DACH2: variants seen among roughly 807,000 people sequenced by gnomAD.
DACH2 encodes dachshund homolog 2.
A neutral mutation model predicts 35.8 loss-of-function variants in DACH2; 17 were observed. The ratio of observed to expected loss-of-function variants is 0.48; its 90% CI spans 0.33 to 0.71. DACH2 has a LOEUF of 0.71. Among genes scored for constraint, DACH2 ranks in the 30% least tolerant of loss-of-function variants. The pLI, the probability that DACH2 is intolerant of heterozygous loss-of-function variation, is 0.02. For synonymous variants in DACH2, 195 were observed against 177.3 expected, an observed-to-expected ratio of 1.10 and a Z score of -0.79; for missense variants, 469 against 472.7, an observed-to-expected ratio of 0.99 and a Z score of 0.07.
At chrX:86,283,418 C>T (rs976466233) in intron 1 of DACH2, among the ~76,000 whole-genome samples, 6 of 111,156 alleles carry the variant, frequency 5.4e-5, no homozygotes, top group African/African-American at 2.0e-4. Context: ...CACATAAAGA[C>T]AAATGCACAT....
chrX:86,186,265 A>G (rs1446288578), intron 1 of DACH2, among the ~76,000 whole-genome samples: 1 of 112,870 alleles, frequency 8.9e-6, no homozygotes, highest in Non-Finnish European at 1.9e-5. Flanking sequence ...CATCTTGAAC[A>G]TGGGTATAAA....
chrX:86,503,733 T>C (rs1212085626), intron 2 of DACH2, among the ~76,000 whole-genome samples: 1 of 112,075 alleles, frequency 8.9e-6, no homozygotes, highest in Non-Finnish European at 1.9e-5. Flanking sequence ...ACAAAAGATA[T>C]GTTATAAGTA....
chrX:86,562,886 A>T (rs1002427356), intron 3 of DACH2, among the ~76,000 whole-genome samples: 1 of 111,874 alleles, frequency 8.9e-6, no homozygotes, highest in African/African-American at 3.2e-5. Context: ...TCAAAATCCA[A>T]CATTTACTTG....
chrX:86,259,548 A>G (rs1215996683), intron 1 of DACH2, among the ~76,000 whole-genome samples: 3 of 111,639 alleles, frequency 2.7e-5, no homozygotes, highest in Admixed American at 9.6e-5. Context: ...TGGAAACACA[A>G]TGATTCATTA....
At chrX:86,556,331 C>T (rs2039117921) in intron 3 of DACH2, among the ~76,000 whole-genome samples, 2 of 110,620 alleles carry the variant, frequency 1.8e-5, no homozygotes, top group Middle Eastern at 4.6e-3. Flanking sequence ...TCATTTAACT[C>T]CCGTAAGAAC....
At chrX:86,279,057 A>G (rs886164441) in intron 1 of DACH2, among the ~76,000 whole-genome samples, 9 of 112,093 alleles carry the variant, frequency 8.0e-5, no homozygotes, top group African/African-American at 2.9e-4. Flanking sequence ...GGGCTTATAG[A>G]TAAAACTCCC....
chrX:86,713,297 ATG>A (rs2041299114), intron 5 of DACH2, among the ~76,000 whole-genome samples: 1 of 111,403 alleles, frequency 9.0e-6, no homozygotes, highest in Non-Finnish European at 1.9e-5. Context: ...CTAAAAATAT[ATG>A]TGTTTTGAGT....
intron 1 of DACH2, among the ~76,000 whole-genome samples, chrX:86,293,226 G>A (rs142063100): frequency 0.1 from 10,226 of 99,545 alleles, 590 homozygotes; most frequent in South Asian, 0.29. Context: ...AAAGTCTGTT[G>A]TATCAGAGAC....
At chrX:86,803,865 G>A (rs1261387188) in intron 7 of DACH2, among the ~76,000 whole-genome samples, 2 of 111,438 alleles carry the variant, frequency 1.8e-5, no homozygotes, top group African/African-American at 6.5e-5. Flanking sequence ...GCAGGTTGCA[G>A]TGTTAAATGG....
intron 7 of DACH2, among the ~76,000 whole-genome samples, chrX:86,801,279 G>C (rs1249090927): frequency 2.7e-5 from 3 of 109,302 alleles, no homozygotes. Flanking sequence ...GAGTGCAGTG[G>C]CTATTCGTAG....
intron 3 of DACH2, among the ~76,000 whole-genome samples, chrX:86,550,250 G>A (rs73504062): frequency 0.039 from 4,304 of 110,915 alleles, 224 homozygotes; most frequent in African/African-American, 0.13. Context: ...AGAATAGAGA[G>A]GATAATTTTG....
At chrX:86,741,045 A>G (rs1052670029) in intron 7 of DACH2, among the ~76,000 whole-genome samples, 1 of 111,563 alleles carries the variant, frequency 9.0e-6, no homozygotes, top group African/African-American at 3.3e-5. Flanking sequence ...CTATGTACCC[A>G]TTTCCTTTCA....
At chrX:86,429,382 G>A (rs977538588) in intron 2 of DACH2, among the ~76,000 whole-genome samples, 1 of 110,976 alleles carries the variant, frequency 9.0e-6, no homozygotes, top group African/African-American at 3.3e-5. Context: ...ATCTGATTTT[G>A]ATATGGGAAA....
At chrX:86,361,304 C>T (rs775335104) in intron 1 of DACH2, among the ~76,000 whole-genome samples, 28 of 111,140 alleles carry the variant, frequency 2.5e-4, no homozygotes, top group African/African-American at 7.5e-4. Context: ...TATCTGAAGA[C>T]GATGGTTATT....
intron 7 of DACH2, among the ~76,000 whole-genome samples, chrX:86,763,457 T>G (rs778360846): frequency 4.5e-5 from 5 of 112,334 alleles, no homozygotes; most frequent in South Asian, 7.4e-4. Context: ...GTTTACTTTT[T>G]TTTTGTTTTG....
At chrX:86,383,950 T>C (rs991828359) in intron 2 of DACH2, among the ~76,000 whole-genome samples, 1 of 111,384 alleles carries the variant, frequency 9.0e-6, no homozygotes, top group African/African-American at 3.2e-5. Flanking sequence ...TCAGGCTGTG[T>C]GTTTCTTTAA....
intron 1 of DACH2, among the ~76,000 whole-genome samples, chrX:86,258,447 G>T: frequency 9.0e-6 from 1 of 111,483 alleles, no homozygotes; most frequent in South Asian, 3.8e-4. Context: ...GAAGTCAGAG[G>T]CTAAGGGTCA....
In DACH2 at chrX:86,516,381, C is replaced by T. The variant is rs186495159; in HGVS notation, c.640+1990C>T. Among the ~76,000 whole-genome samples, 42 of 110,974 alleles carry T rather than the reference C, an allele frequency of 3.8e-4. 1 individual carries two copies. The highest frequency in any genetic ancestry group is 1.2e-3 in the African/African-American group (37 of 30,596). ...TTGAAGCTAAATCATGTTGAGTAAA[C>T]ATTAGTAGGTTATTTGTTGAGGAAA... On this transcript the variant is annotated intron_variant, in intron 3 of 11. Transcript: ENST00000373125.
chrX:86,201,235 A>G (rs1342303551), intron 1 of DACH2, among the ~76,000 whole-genome samples: 1 of 105,105 alleles, frequency 9.5e-6, no homozygotes, highest in East Asian at 3.0e-4. Context: ...GAGCTAAATG[A>G]TAAGAGCTTA....
Sources: gnomAD v4.1 joint callset for allele counts (sites outside exome capture counted in the v4.1 genomes callset) on GRCh38, gnomAD v4.1.1 for gene constraint, MANE v1.5 for transcripts, NCBI Gene and HGNC (gene_info 2026-07-23, HGNC 2026-07-21) for gene names.